USP48: variants seen among roughly 807,000 people sequenced by gnomAD.
USP48 encodes ubiquitin carboxyl-terminal hydrolase 48.
USP48 carries 43 observed loss-of-function variants against 150.7 expected under a neutral mutation model. The observed-to-expected ratio is 0.29, with a 90% CI of 0.22 to 0.37. USP48 has a LOEUF of 0.37. Among genes scored for constraint, USP48 ranks in the 10% least tolerant of loss-of-function variants. The pLI, the probability that USP48 is intolerant of heterozygous loss-of-function variation, is 1.00. For synonymous variants in USP48, 396 were observed against 425.9 expected (o/e 0.93, Z 0.86); for missense variants, 813 against 1,249.6 (o/e 0.65, Z 5.27).
chr1:21,749,259 GCCT>G (rs1417146548), intron 6 of USP48, among the ~76,000 whole-genome samples: 2 of 152,046 alleles, frequency 1.3e-5, no homozygotes, highest in African/African-American at 4.8e-5. Flanking sequence ...TCACTGACTT[GCCT>G]CCTAATTCAC....
chr1:21,699,005 A>G (rs1210199036), intron 22 of USP48, among the ~76,000 whole-genome samples: 1 of 152,152 alleles, frequency 6.6e-6, no homozygotes, highest in Non-Finnish European at 1.5e-5. Context: ...GGAGTCCTGA[A>G]TCGGGATGGA....
chr1:21,717,424 CAAAAACAAAACAAAT>C (rs1215294325), intron 14 of USP48, among the ~76,000 whole-genome samples: 2 of 135,456 alleles, frequency 1.5e-5, no homozygotes, highest in East Asian at 4.1e-4. Flanking sequence ...ACAAAACAAA[CAAAAACAAAACAAAT>C]AAAAAAAAAC....
intron 3 of USP48, 88 bp from the exon 4 acceptor site, chr1:21,753,207 A>G (rs2097821285): frequency 7.6e-7 from 1 of 1,308,658 alleles, no homozygotes; most frequent in Non-Finnish European, 1.0e-6. Context: ...ATGAGAACAT[A>G]AACATCTCTA....
At chr1:21,718,447 T>C (rs932709053) in intron 14 of USP48, among the ~76,000 whole-genome samples, 4 of 152,214 alleles carry the variant, frequency 2.6e-5, no homozygotes, top group African/African-American at 7.2e-5. Flanking sequence ...AGAGACATAT[T>C]ACTCTGAAAG....
intron 1 of USP48, among the ~76,000 whole-genome samples, chr1:21,767,800 T>C (rs1194337409): frequency 2.6e-5 from 4 of 152,200 alleles, no homozygotes; most frequent in African/African-American, 9.7e-5. Flanking sequence ...AGGAGAACCA[T>C]GATAATATAA....
At chr1:21,707,484 T>C (rs772380337) in intron 15 of USP48, among the ~76,000 whole-genome samples, 12 of 152,226 alleles carry the variant, frequency 7.9e-5, no homozygotes, top group Non-Finnish European at 1.5e-4. Context: ...CTTTGCTATT[T>C]GCAATTTATT....
At chr1:21,705,165 C>T (rs1360204038) in intron 19 of USP48, among the ~76,000 whole-genome samples, 2 of 152,162 alleles carry the variant, frequency 1.3e-5, no homozygotes, top group African/African-American at 4.8e-5. Flanking sequence ...GTTCCAATTT[C>T]CTTTTCCTGA....
chr1:21,688,095 A>T (rs531849969), intron 24 of USP48, among the ~76,000 whole-genome samples: 114 of 152,294 alleles, frequency 7.5e-4, no homozygotes, highest in African/African-American at 2.7e-3. Context: ...CTACCACATG[A>T]TGTGGTGGTA....
At chr1:21,693,143 A>T (rs1394575321) in intron 23 of USP48, among the ~76,000 whole-genome samples, 1 of 152,182 alleles carries the variant, frequency 6.6e-6, no homozygotes, top group Admixed American at 6.5e-5. Flanking sequence ...TTTCTCAGGC[A>T]GGCAATACCA....
intron 14 of USP48, among the ~76,000 whole-genome samples, chr1:21,719,773 A>T (rs986303725): frequency 6.6e-6 from 1 of 152,206 alleles, no homozygotes; most frequent in Non-Finnish European, 1.5e-5. Context: ...AGGCTGAGGC[A>T]GGAGAGCCGC....
At chr1:21,780,844 G>A (rs899376731) in intron 1 of USP48, among the ~76,000 whole-genome samples, 45 of 147,788 alleles carry the variant, frequency 3.0e-4, no homozygotes, top group African/African-American at 1.1e-3. Flanking sequence ...CCGGGTTCCA[G>A]GGTTCTCCTG....
At chr1:21,726,313 A>C (rs2097737050) in intron 11 of USP48, among the ~76,000 whole-genome samples, 1 of 152,184 alleles carries the variant, frequency 6.6e-6, no homozygotes, top group Non-Finnish European at 1.5e-5. Context: ...GCAAGACAAC[A>C]TTTTCCAATC....
At chr1:21,734,592 A>C (rs2097764538) in intron 9 of USP48, among the ~76,000 whole-genome samples, 1 of 152,208 alleles carries the variant, frequency 6.6e-6, no homozygotes. Context: ...AAGAAAGAAG[A>C]GTGGCAGGAG....
At chr1:21,769,982 C>T (rs1442334130) in intron 1 of USP48, among the ~76,000 whole-genome samples, 4 of 152,052 alleles carry the variant, frequency 2.6e-5, no homozygotes, top group African/African-American at 7.2e-5. Context: ...ATGACCATCA[C>T]TAGTAGAAAG....
At chr1:21,702,011 C>T (rs959525464) in intron 21 of USP48, among the ~76,000 whole-genome samples, 6 of 152,076 alleles carry the variant, frequency 3.9e-5, no homozygotes, top group South Asian at 2.1e-4. Context: ...ATTGAGAAAA[C>T]GAAAGATGGA....
At chr1:21,748,095 A>G in intron 7 of USP48, 43 bp downstream of exon 7, 1 of 1,592,526 alleles carries the variant, frequency 6.3e-7, no homozygotes, top group East Asian at 2.2e-5. Flanking sequence ...TGTACATAGT[A>G]GACCACAATG....
intron 9 of USP48, among the ~76,000 whole-genome samples, chr1:21,735,343 G>A (rs74465119): frequency 0.035 from 5,299 of 150,740 alleles, 120 homozygotes; most frequent in Middle Eastern, 0.079. Flanking sequence ...CTCATGCCTT[G>A]TAATCCCAAC....
chr1:21,750,679 C>A lies in USP48; in HGVS notation c.774+828G>T, dbSNP rs1571967663. Reference sequence around the variant, plus strand: ...CCTGAGGTTGGGAGTTTGAGACCAGCCTGACCGACATGGTAAAACCCTGTT... The same window carrying A: ...CCTGAGGTTGGGAGTTTGAGACCAGACTGACCGACATGGTAAAACCCTGTT... On this transcript the variant is annotated intron_variant, in intron 6 of 26. Coordinates refer to ENST00000308271, the MANE Select transcript of USP48 (RefSeq NM_032236.8). Among the ~76,000 whole-genome samples the A allele has an allele frequency of 2.0e-5, 3 of 152,118 alleles. No individual in the cohort carries two copies. The Middle Eastern group carries it at 0.01, about 517-fold the overall frequency.
At chr1:21,679,662 C>G (rs886152730) in intron 26 of USP48, among the ~76,000 whole-genome samples, 1 of 152,220 alleles carries the variant, frequency 6.6e-6, no homozygotes, top group Admixed American at 6.5e-5. Flanking sequence ...TGTATCTTCA[C>G]ACAAACTAAC....
Sources: gnomAD v4.1 joint callset for allele counts (sites outside exome capture counted in the v4.1 genomes callset) on GRCh38, gnomAD v4.1.1 for gene constraint, MANE v1.5 for transcripts, NCBI Gene and HGNC (gene_info 2026-07-23, HGNC 2026-07-21) for gene names.